The following PLPP3 variants were observed in gnomAD, a reference collection of about 807,000 sequenced individuals.
The protein encoded by PLPP3 is phospholipid phosphatase 3.
PLPP3 carries 6 observed loss-of-function variants against 29.6 expected under a neutral mutation model. The observed-to-expected ratio is 0.20, with a 90% confidence interval of 0.11 to 0.40. PLPP3 has a LOEUF of 0.40. Among genes scored for constraint, PLPP3 ranks in the 10% least tolerant of loss-of-function variants. The probability of loss-of-function intolerance (pLI) is 1.00; values close to 1 mark genes in which losing one functional copy is unlikely to be tolerated. For missense variants in PLPP3, 308 were observed against 407.7 expected (o/e 0.76, Z 2.11); for synonymous variants, 152 against 159.7 (o/e 0.95, Z 0.36).
chr1:56,512,033 G>A lies in PLPP3; in HGVS notation c.753C>T (p.His251=). 1 of 1,613,536 alleles carries A rather than the reference G, an allele frequency of 6.2e-7. No homozygotes were observed. The highest frequency in any genetic ancestry group is 1.7e-4 in the Middle Eastern group (1 of 6,058). The change falls in exon 5 of 6, where the codon CAC becomes CAT. Residue 251 remains histidine, a synonymous_variant. Coordinates refer to ENST00000371250, the MANE Select transcript of PLPP3 (RefSeq NM_003713.5). Reference sequence around the variant, plus strand: ...ATCCTGCCAGAACATCACTGGGATGGTGCTTGTGGTCTGATACGCGAGACA... The same window carrying A: ...ATCCTGCCAGAACATCACTGGGATGATGCTTGTGGTCTGATACGCGAGACA... ...TGLSRVSDHK[H]HPSDVLAGFA...
intron 4 of PLPP3, chr1:56,512,373 T>TGGAA: frequency 2.2e-6 from 1 of 461,494 alleles, no homozygotes; most frequent in Non-Finnish European, 3.8e-6. Context: ...GCACTTCGTG[T>TGGAA]GGCTGAGGTG....
intron 1 of PLPP3, among the ~76,000 whole-genome samples, chr1:56,537,638 T>G (rs1645937372): frequency 6.6e-6 from 1 of 151,750 alleles, no homozygotes; most frequent in African/African-American, 2.4e-5. Flanking sequence ...TGAGTCCCAG[T>G]TTTTTCCCAC....
chr1:56,497,550 T>G (rs182874835), intron 5 of PLPP3, among the ~76,000 whole-genome samples: 34 of 152,328 alleles, frequency 2.2e-4, no homozygotes, highest in Admixed American at 1.0e-3. Context: ...GCGGCAGCTA[T>G]CAGTCATGTA....
At chr1:56,538,966 A>AAAAAAAAAAAAAAC (rs1645949758) in intron 1 of PLPP3, 1 of 151,286 alleles carries the variant, frequency 6.6e-6, no homozygotes, top group Non-Finnish European at 1.5e-5. Context: ...CTGCAAAAAA[A>AAAAAAAAAAAAAAC]AAAAACACAG....
intron 1 of PLPP3, among the ~76,000 whole-genome samples, chr1:56,542,181 C>T (rs541174023): frequency 6.6e-6 from 1 of 152,160 alleles, no homozygotes; most frequent in East Asian, 1.9e-4. Flanking sequence ...TGGGTTCAGG[C>T]CTTTGAAACT....
intron 1 of PLPP3, among the ~76,000 whole-genome samples, chr1:56,545,594 G>C (rs916462939): frequency 1.3e-5 from 2 of 152,176 alleles, no homozygotes; most frequent in Non-Finnish European, 2.9e-5. Flanking sequence ...ACATAGGGAA[G>C]AAACATCACA....
intron 1 of PLPP3, among the ~76,000 whole-genome samples, chr1:56,574,124 C>T (rs1312650892): frequency 6.6e-6 from 1 of 150,548 alleles, no homozygotes; most frequent in Non-Finnish European, 1.5e-5. Flanking sequence ...CGCTTGAATC[C>T]GGGAGGCAGA....
intron 1 of PLPP3, among the ~76,000 whole-genome samples, chr1:56,555,433 TAAAAAAAAAAA>T (rs66593221): frequency 3.0e-5 from 1 of 33,216 alleles, no homozygotes; most frequent in Non-Finnish European, 5.4e-5. Flanking sequence ...GGCCAAACAC[TAAAAAAAAAAA>T]AAAAAAAAAA....
chr1:56,514,350 G>A (rs1409152107), intron 4 of PLPP3, among the ~76,000 whole-genome samples: 1 of 152,096 alleles, frequency 6.6e-6, no homozygotes, highest in Non-Finnish European at 1.5e-5. Flanking sequence ...GTGGCTCAGA[G>A]GCCTTCCACA....
At chr1:56,549,214 C>G (rs765428912) in intron 1 of PLPP3, among the ~76,000 whole-genome samples, 4 of 152,146 alleles carry the variant, frequency 2.6e-5, no homozygotes, top group Non-Finnish European at 5.9e-5. Context: ...TGGAGGCGTT[C>G]TATTCTGTGT....
intron 1 of PLPP3, among the ~76,000 whole-genome samples, chr1:56,573,101 C>T (rs113673845): frequency 9.7e-4 from 148 of 152,306 alleles, no homozygotes; most frequent in African/African-American, 3.5e-3. Context: ...TCCTGCTTCA[C>T]CTTGCACTCA....
chr1:56,538,704 T>A (rs1645945805), intron 1 of PLPP3: 1 of 251,814 alleles, frequency 4.0e-6, no homozygotes, highest in African/African-American at 2.3e-5. Flanking sequence ...AGGGGAAGAT[T>A]CTTGCCAAGA....
intron 1 of PLPP3, among the ~76,000 whole-genome samples, chr1:56,572,496 T>C (rs1041604): frequency 0.9 from 136,380 of 152,180 alleles, 61,231 homozygotes; most frequent in Non-Finnish European, 0.92. Context: ...ATAATATGGC[T>C]TTGTCCCTTT....
At chr1:56,574,255 C>T (rs1048787318) in intron 1 of PLPP3, among the ~76,000 whole-genome samples, 4 of 151,378 alleles carry the variant, frequency 2.6e-5, no homozygotes, top group African/African-American at 9.7e-5. Flanking sequence ...TTTAACCATA[C>T]TAGAAAAGTC....
chr1:56,551,155 T>A (rs148675144), intron 1 of PLPP3, among the ~76,000 whole-genome samples: 1 of 152,288 alleles, frequency 6.6e-6, no homozygotes, highest in East Asian at 1.9e-4. Context: ...ACTTACAGTA[T>A]ATACATATTA....
chr1:56,538,324 T>C (rs924009667), intron 1 of PLPP3: 3 of 227,854 alleles, frequency 1.3e-5, no homozygotes, highest in Non-Finnish European at 2.7e-5. Context: ...CCAACTGCAA[T>C]ACCAAGCTCC....
intron 1 of PLPP3, among the ~76,000 whole-genome samples, chr1:56,555,975 C>T (rs761740944): frequency 7.2e-5 from 11 of 151,950 alleles, no homozygotes; most frequent in Non-Finnish European, 1.6e-4. Flanking sequence ...TTTTTTTTCC[C>T]CCTGGTTCAC....
chr1:56,557,103 G>C (rs1040910442), intron 1 of PLPP3, among the ~76,000 whole-genome samples: 1 of 146,680 alleles, frequency 6.8e-6, no homozygotes, highest in African/African-American at 2.5e-5. Context: ...AAAGAGGCTG[G>C]GTGCGGTGGC....
intron 2 of PLPP3, among the ~76,000 whole-genome samples, chr1:56,532,465 A>T (rs1438523807): frequency 6.6e-6 from 1 of 152,134 alleles, no homozygotes; most frequent in East Asian, 1.9e-4. Flanking sequence ...TCTTGTAGAT[A>T]AAGGGAGATG....
Sources: gnomAD v4.1 joint callset for allele counts (sites outside exome capture counted in the v4.1 genomes callset) on GRCh38, gnomAD v4.1.1 for gene constraint, MANE v1.5 for transcripts, NCBI Gene and HGNC (gene_info 2026-07-23, HGNC 2026-07-21) for gene names.